Variants in ADGRL3 observed in about 807,000 individuals in gnomAD.
ADGRL3 encodes the protein calcium-independent alpha-latrotoxin receptor 3.
A neutral mutation model predicts 153.5 loss-of-function variants in ADGRL3; 62 were observed. That is an observed-to-expected ratio of 0.40 (90% CI 0.33 to 0.50). The LOEUF is 0.50. Ranked by LOEUF, ADGRL3 falls within the 20% of genes least tolerant of loss-of-function variation. The pLI, the probability that ADGRL3 is intolerant of heterozygous loss-of-function variation, is 0.47. For missense variants in ADGRL3, 1,641 were observed against 1,859.4 expected (o/e 0.88, Z 2.16); for synonymous variants, 710 against 672.5 (o/e 1.06, Z -0.86).
intron 2 of ADGRL3, among the ~76,000 whole-genome samples, chr4:61,388,244 G>A (rs1372040271): frequency 2.6e-5 from 4 of 152,058 alleles, no homozygotes; most frequent in Non-Finnish European, 4.4e-5. Context: ...CTGCATAAGT[G>A]GGTTAACAAT....
chr4:61,643,274 C>T (rs1438074584), intron 5 of ADGRL3, among the ~76,000 whole-genome samples: 1 of 151,688 alleles, frequency 6.6e-6, no homozygotes. Context: ...ATTGAATACC[C>T]TTTATTTCCT....
intron 9 of ADGRL3, among the ~76,000 whole-genome samples, chr4:61,818,230 C>G (rs551040789): frequency 1.3e-3 from 197 of 152,150 alleles, no homozygotes; most frequent in African/African-American, 4.5e-3. Context: ...AAGAAATTGG[C>G]CAAAATGAAG....
intron 8 of ADGRL3, among the ~76,000 whole-genome samples, chr4:61,766,108 T>A (rs1006466656): frequency 5.3e-5 from 8 of 151,962 alleles, no homozygotes; most frequent in African/African-American, 9.7e-5. Context: ...ATGGGGTTAA[T>A]GTCAGGTGGA....
chr4:61,358,307 A>T (rs989781207), intron 1 of ADGRL3, among the ~76,000 whole-genome samples: 1 of 152,190 alleles, frequency 6.6e-6, no homozygotes, highest in African/African-American at 2.4e-5. Flanking sequence ...TCATGAAAGC[A>T]GACCATTGGG....
intron 2 of ADGRL3, among the ~76,000 whole-genome samples, chr4:61,405,580 C>A (rs1241947144): frequency 1.3e-5 from 2 of 151,822 alleles, no homozygotes; most frequent in Non-Finnish European, 2.9e-5. Flanking sequence ...TTTATTCAAA[C>A]CCCCTGTAGT....
At chr4:61,782,956 A>G (rs1303195824) in intron 8 of ADGRL3, among the ~76,000 whole-genome samples, 1 of 152,188 alleles carries the variant, frequency 6.6e-6, no homozygotes, top group Non-Finnish European at 1.5e-5. Flanking sequence ...CTCTAATTAT[A>G]AGTGACTTTG....
intron 2 of ADGRL3, among the ~76,000 whole-genome samples, chr4:61,483,269 T>C (rs1028689167): frequency 3.9e-5 from 6 of 152,206 alleles, no homozygotes; most frequent in African/African-American, 1.4e-4. Flanking sequence ...ATAGACATCT[T>C]TAGGAGTCAT....
At chr4:61,388,957 T>C (rs1428687147) in intron 2 of ADGRL3, among the ~76,000 whole-genome samples, 1 of 152,246 alleles carries the variant, frequency 6.6e-6, no homozygotes, top group Admixed American at 6.5e-5. Context: ...AGAGCATACA[T>C]TACCACATTA....
At chr4:61,734,123 A>G (rs189027258) in intron 8 of ADGRL3, among the ~76,000 whole-genome samples, 7 of 152,318 alleles carry the variant, frequency 4.6e-5, no homozygotes, top group Admixed American at 1.3e-4. Flanking sequence ...ATATACCTCA[A>G]TTTGTATAAG....
At chr4:61,275,171 T>A (rs1249460047) in intron 1 of ADGRL3, among the ~76,000 whole-genome samples, 1 of 152,176 alleles carries the variant, frequency 6.6e-6, no homozygotes, top group Non-Finnish European at 1.5e-5. Flanking sequence ...TGGAACAAGG[T>A]AATTTTTCTT....
At position 61,331,952 on chromosome 4, in the gene ADGRL3, G is replaced by C. The variant is rs148261795; in HGVS notation, c.-239-51172G>C. ...AAATGGGTATAGTCAGTGTTCTGTA[G>C]GAGTGGACAAGTGGCTTAAAGGCCA... On this transcript the variant is annotated intron_variant, in intron 1 of 26. Coordinates refer to ENST00000683033, the MANE Select transcript of ADGRL3 (RefSeq NM_001387552.1). 4.1e-3 allele frequency among the ~76,000 whole-genome samples: 624 copies of C among 152,094 alleles called. 4 individuals are homozygous for C. The highest frequency in any genetic ancestry group is 0.015 in the African/African-American group (607 of 41,528).
chr4:61,279,434 G>T (rs2093625952), intron 1 of ADGRL3, among the ~76,000 whole-genome samples: 1 of 152,134 alleles, frequency 6.6e-6, no homozygotes, highest in Non-Finnish European at 1.5e-5. Context: ...TGTTTGCTGA[G>T]CACCTTATAT....
intron 1 of ADGRL3, among the ~76,000 whole-genome samples, chr4:61,348,524 C>A (rs769658283): frequency 4.6e-5 from 7 of 151,928 alleles, no homozygotes; most frequent in South Asian, 2.1e-4. Flanking sequence ...AATGTATAAT[C>A]TTAACATACA....
At chr4:61,593,496 CT>C (rs898957521) in intron 5 of ADGRL3, among the ~76,000 whole-genome samples, 2 of 151,924 alleles carry the variant, frequency 1.3e-5, no homozygotes, top group Non-Finnish European at 2.9e-5. Flanking sequence ...AATCACTCAC[CT>C]TTTGCTTGTC....
In ADGRL3 at chr4:61,451,255, T is replaced by C. The variant is rs1291693752; in HGVS notation, c.-173-45866T>C. Among the ~76,000 whole-genome samples, 3 of 152,170 alleles carry C rather than the reference T, an allele frequency of 2.0e-5. No homozygotes were observed. In the East Asian group the frequency reaches 5.8e-4, roughly 29 times the overall value. ...ACTGTGATAATTTGTCAGACATTCC[T>C]ATAAAAATCCATTAACCCTCATTTA... On this transcript the variant is annotated intron_variant, in intron 2 of 26. Transcript: ENST00000683033.
intron 6 of ADGRL3, among the ~76,000 whole-genome samples, chr4:61,688,568 C>T (rs1466181014): frequency 6.6e-6 from 1 of 152,126 alleles, no homozygotes; most frequent in Non-Finnish European, 1.5e-5. Flanking sequence ...TGCTCAGTCT[C>T]TCATAGCCAT....
At chr4:61,721,100 A>C (rs193121362) in intron 6 of ADGRL3, among the ~76,000 whole-genome samples, 1 of 152,204 alleles carries the variant, frequency 6.6e-6, no homozygotes, top group Non-Finnish European at 1.5e-5. Context: ...ATAAGGAGGA[A>C]TTCCACAGAT....
chr4:61,427,554 T>C (rs1241630316), intron 2 of ADGRL3: 1 of 153,092 alleles, frequency 6.5e-6, no homozygotes, highest in Non-Finnish European at 1.5e-5. Flanking sequence ...GTATAGGCAC[T>C]GTATGACATG....
intron 1 of ADGRL3, among the ~76,000 whole-genome samples, chr4:61,328,054 G>A (rs1215050566): frequency 6.6e-6 from 1 of 151,980 alleles, no homozygotes; most frequent in Non-Finnish European, 1.5e-5. Context: ...TGACTTGATT[G>A]CTTTGGATTG....
Sources: allele counts gnomAD v4.1 joint callset (sites outside exome capture counted in the v4.1 genomes callset), GRCh38; gene constraint gnomAD v4.1.1; transcripts MANE v1.5; gene names NCBI Gene and HGNC (gene_info 2026-07-23, HGNC 2026-07-21).